The following CYP2J2 variants were observed in gnomAD, a reference collection of about 807,000 sequenced individuals.
CYP2J2 encodes the protein cytochrome P450 2J2.
A neutral mutation model predicts 48.8 loss-of-function variants in CYP2J2; 41 were observed. The ratio of observed to expected loss-of-function variants is 0.84; its 90% CI spans 0.66 to 1.09. The LOEUF (loss-of-function observed/expected upper bound fraction) is 1.09, where lower values mean the gene tolerates loss of function less well. Among genes scored for constraint, CYP2J2 ranks in the 50% least tolerant of loss-of-function variants. CYP2J2 has a pLI of 0.00. For synonymous variants in CYP2J2, 221 were observed against 227.1 expected (o/e 0.97, Z 0.24); for missense variants, 644 against 617.3 (o/e 1.04, Z -0.46).
At chr1:59,899,692 T>G (rs887390560) in intron 8 of CYP2J2, among the ~76,000 whole-genome samples, 3 of 152,236 alleles carry the variant, frequency 2.0e-5, no homozygotes, top group African/African-American at 7.2e-5. Flanking sequence ...ATGAGTTTTA[T>G]GACTTTAGTT....
At chr1:59,968,813 T>C in the CYP2J2 span, among the ~76,000 whole-genome samples, 199 of 152,318 alleles carry the variant, frequency 1.3e-3, no homozygotes, top group African/African-American at 4.7e-3. Context: ...GTGTCTCGAA[T>C]TGGTGGGTTC....
intron 5 of CYP2J2, among the ~76,000 whole-genome samples, chr1:59,908,580 C>G (rs1046669596): frequency 2.0e-5 from 3 of 152,182 alleles, no homozygotes; most frequent in Non-Finnish European, 4.4e-5. Flanking sequence ...CAATGTTGCT[C>G]TTAATGTTAA....
the CYP2J2 span, among the ~76,000 whole-genome samples, chr1:59,932,123 T>G: frequency 6.6e-6 from 1 of 152,182 alleles, no homozygotes; most frequent in East Asian, 1.9e-4. Flanking sequence ...CTGTCATAAC[T>G]GTAAGCAAAT....
At chr1:59,957,681 GACACACACACAC>G in the CYP2J2 span, among the ~76,000 whole-genome samples, 3 of 137,244 alleles carry the variant, frequency 2.2e-5, no homozygotes, top group African/African-American at 8.9e-5. Flanking sequence ...CAGACACACA[GACACACACACAC>G]ACACACACAC....
chr1:59,914,292 T>G (rs890156285), intron 2 of CYP2J2, among the ~76,000 whole-genome samples: 3 of 152,188 alleles, frequency 2.0e-5, no homozygotes. Context: ...GATAATACAG[T>G]GAATGGATAT....
At chr1:59,937,897 C>A in the CYP2J2 span, among the ~76,000 whole-genome samples, 1 of 151,966 alleles carries the variant, frequency 6.6e-6, no homozygotes, top group South Asian at 2.1e-4. Flanking sequence ...TTTTTCAGCT[C>A]CAGAATTTCT....
chr1:59,968,068 T>G, the CYP2J2 span, among the ~76,000 whole-genome samples: 1 of 152,168 alleles, frequency 6.6e-6, no homozygotes, highest in Non-Finnish European at 1.5e-5. Flanking sequence ...CAGGTAATTG[T>G]GCACGGGGAT....
At chr1:59,938,273 G>A in the CYP2J2 span, among the ~76,000 whole-genome samples, 2 of 152,172 alleles carry the variant, frequency 1.3e-5, no homozygotes, top group Admixed American at 1.3e-4. Context: ...TGGCCCCAGG[G>A]AACTGGCGCT....
the CYP2J2 span, among the ~76,000 whole-genome samples, chr1:59,942,224 T>C: frequency 6.6e-6 from 1 of 152,098 alleles, no homozygotes; most frequent in African/African-American, 2.4e-5. Flanking sequence ...AGAAAGTGAC[T>C]GGTGTCTGCT....
chr1:59,967,276 A>G, the CYP2J2 span, among the ~76,000 whole-genome samples: 2 of 152,322 alleles, frequency 1.3e-5, no homozygotes, highest in Admixed American at 1.3e-4. Flanking sequence ...AGGTTTACAC[A>G]AATATACATC....
At chr1:59,911,362 G>A (rs879325749) in intron 4 of CYP2J2, among the ~76,000 whole-genome samples, 15 of 152,072 alleles carry the variant, frequency 9.9e-5, no homozygotes, top group Admixed American at 3.3e-4. Context: ...TAGGTGGATA[G>A]GCGTATGTCA....
the CYP2J2 span, among the ~76,000 whole-genome samples, chr1:59,962,192 T>C: frequency 3.2e-3 from 495 of 152,308 alleles, 4 homozygotes; most frequent in African/African-American, 0.011. Flanking sequence ...AATTCATGTT[T>C]CCCAAAAATT....
In CYP2J2 at chr1:59,903,443, C is replaced by T. The variant is rs536507916; in HGVS notation, c.1191+1428G>A. On this transcript the variant is annotated intron_variant, in intron 7 of 8. Coordinates refer to ENST00000371204, the MANE Select transcript of CYP2J2 (RefSeq NM_000775.4). ...CGCAGAAACAGAAAATGAAATACTG[C>T]ATGTTCTTACTTATAATGGGAGGTA... 8.5e-5 allele frequency among the ~76,000 whole-genome samples: 13 copies of T among 152,274 alleles called. No homozygotes were observed. The East Asian group carries it at 1.9e-3, about 23-fold the overall frequency.
chr1:59,961,450 T>C, the CYP2J2 span, among the ~76,000 whole-genome samples: 1 of 152,256 alleles, frequency 6.6e-6, no homozygotes, highest in South Asian at 2.1e-4. Context: ...CTAGAGTGGC[T>C]ATAATAAAAA....
intron 2 of CYP2J2, among the ~76,000 whole-genome samples, chr1:59,914,301 A>G (rs1231100668): frequency 6.6e-6 from 1 of 152,244 alleles, no homozygotes; most frequent in Non-Finnish European, 1.5e-5. Flanking sequence ...GTGAATGGAT[A>G]TAGAATTAAC....
At chr1:59,968,964 C>G in the CYP2J2 span, among the ~76,000 whole-genome samples, 3 of 152,034 alleles carry the variant, frequency 2.0e-5, no homozygotes, top group Non-Finnish European at 4.4e-5. Context: ...TATGTGGTCT[C>G]GCTGGCTCAG....
Position 59,921,464 on chromosome 1 carries a change from A to G in CYP2J2, c.210+5073T>C, listed in dbSNP as rs1052962270. 1.8e-4 allele frequency among the ~76,000 whole-genome samples: 28 copies of G among 152,074 alleles called. 1 individual carries two copies. Among genetic ancestry groups the G allele is most frequent in the Non-Finnish European group, 2.9e-5 (2 of 67,996 alleles). On this transcript the variant is annotated intron_variant, in intron 1 of 8. Transcript: ENST00000371204. ...CACATCACCAAGATTCCTATCCCAG[A>G]AAAGCAGATGATCATAGCTCTGGGA... is the stretch of plus-strand genomic sequence containing the variant.
chr1:59,958,708 G>A, the CYP2J2 span, among the ~76,000 whole-genome samples: 262 of 152,108 alleles, frequency 1.7e-3, no homozygotes, highest in African/African-American at 6.0e-3. Context: ...TTACAGATAC[G>A]ATTCATTCTC....
chr1:59,950,652 T>C, the CYP2J2 span, among the ~76,000 whole-genome samples: 1 of 152,164 alleles, frequency 6.6e-6, no homozygotes, highest in African/African-American at 2.4e-5. Context: ...CAAAAGCCAT[T>C]TCTTTGCTCC....
Sources: gnomAD v4.1 joint callset for allele counts (sites outside exome capture counted in the v4.1 genomes callset) on GRCh38, gnomAD v4.1.1 for gene constraint, MANE v1.5 for transcripts, NCBI Gene and HGNC (gene_info 2026-07-23, HGNC 2026-07-21) for gene names.